Variants in TOLLIP observed in about 807,000 individuals in gnomAD.
TOLLIP encodes toll-interacting protein.
Under a neutral mutation model 33.5 loss-of-function variants are expected in TOLLIP, and 16 were observed. The observed-to-expected ratio is 0.48, with a 90% CI of 0.32 to 0.72. The LOEUF (loss-of-function observed/expected upper bound fraction) is 0.72. Ranked by LOEUF, TOLLIP falls within the 30% of genes least tolerant of loss-of-function variation. The pLI is 0.03. For missense variants in TOLLIP, 325 were observed against 396.6 expected, an observed-to-expected ratio of 0.82 and a Z score of 1.53; for synonymous variants, 176 against 163.7, an observed-to-expected ratio of 1.07 and a Z score of -0.57.
chr11:1,287,924 G>C (rs1361391664), intron 4 of TOLLIP, among the ~76,000 whole-genome samples: 2 of 151,308 alleles, frequency 1.3e-5, no homozygotes, highest in Non-Finnish European at 2.9e-5. Flanking sequence ...CCTCTCTGCT[G>C]TCACATCTGC....
intron 1 of TOLLIP, among the ~76,000 whole-genome samples, chr11:1,300,151 TC>T (rs1458621535): frequency 1.3e-5 from 2 of 152,234 alleles, no homozygotes; most frequent in African/African-American, 4.8e-5. Flanking sequence ...AGGGCTCTCA[TC>T]CCACAGAGCT....
At chr11:1,283,683 T>G in intron 5 of TOLLIP, 1 of 417,560 alleles carries the variant, frequency 2.4e-6, no homozygotes. Context: ...ACAAAGAGAA[T>G]TAGGGATAGG....
In TOLLIP at chr11:1,276,852, C is replaced by A; in HGVS notation, c.*187G>T. The A allele has an allele frequency of 4.6e-6, 7 of 1,534,284 alleles. No individual in the cohort carries two copies. The highest frequency in any genetic ancestry group is 6.1e-6 in the Non-Finnish European group (7 of 1,145,788). ...ATGGGAGGGGAGCCCCCGCCCCGTC[C>A]TGGACCGCCAGGAACCGAAAACCCA... On this transcript the variant is annotated 3_prime_UTR_variant, in exon 6 of 6. Transcript: ENST00000317204.
At chr11:1,293,769 C>T (rs186107355) in intron 2 of TOLLIP, among the ~76,000 whole-genome samples, 2 of 152,240 alleles carry the variant, frequency 1.3e-5, no homozygotes, top group Non-Finnish European at 2.9e-5. Flanking sequence ...GAGTGCCCTG[C>T]GGTCACCAGG....
intron 5 of TOLLIP, among the ~76,000 whole-genome samples, chr11:1,283,887 G>C (rs934302956): frequency 2.0e-5 from 3 of 152,186 alleles, no homozygotes; most frequent in Non-Finnish European, 4.4e-5. Flanking sequence ...CCTGCCTACG[G>C]GGCTTCGACT....
chr11:1,279,544 C>T (rs1283075380), intron 5 of TOLLIP, among the ~76,000 whole-genome samples: 2 of 152,230 alleles, frequency 1.3e-5, no homozygotes, highest in African/African-American at 4.8e-5. Context: ...CAGCCCAGAG[C>T]CCACCTGTAG....
At chr11:1,284,551 G>A (rs1034879945) in intron 5 of TOLLIP, among the ~76,000 whole-genome samples, 10 of 152,104 alleles carry the variant, frequency 6.6e-5, no homozygotes, top group South Asian at 2.1e-4. Context: ...GGGTTTCACC[G>A]TGTTGGCCAG....
chr11:1,298,200 C>A (rs1200778228), intron 1 of TOLLIP: 1 of 152,374 alleles, frequency 6.6e-6, no homozygotes, highest in African/African-American at 2.4e-5. Context: ...GCCACATGCA[C>A]AGCTCTGAGG....
chr11:1,292,617 T>A (rs1468726850), intron 2 of TOLLIP, among the ~76,000 whole-genome samples: 1 of 152,258 alleles, frequency 6.6e-6, no homozygotes. Flanking sequence ...CCATTCACTA[T>A]GACTGCACAC....
At chr11:1,281,488 C>T (rs918508838) in intron 5 of TOLLIP, among the ~76,000 whole-genome samples, 35 of 152,318 alleles carry the variant, frequency 2.3e-4, no homozygotes, top group African/African-American at 7.2e-4. Context: ...GGGAGGCTCT[C>T]GGGGCCTGAG....
At position 1,280,456 on chromosome 11, in the gene TOLLIP, T is replaced by C. The variant is rs940674248; in HGVS notation, c.611-3203A>G. ...GCTCCACAGAAACCAGTGGGGGTTG[T>C]GCCCACAGAGACGCAGGCCAGGATG... On this transcript the variant is annotated intron_variant, in intron 5 of 5. Transcript: ENST00000317204. 2.0e-5 allele frequency among the ~76,000 whole-genome samples: 3 copies of C among 152,054 alleles called. No homozygotes were observed. The East Asian group carries it at 5.8e-4, about 29-fold the overall frequency.
At chr11:1,285,965 A>G (rs2133892739) in intron 5 of TOLLIP, 37 bp downstream of exon 5, 1 of 1,530,680 alleles carries the variant, frequency 6.5e-7, no homozygotes, top group Non-Finnish European at 8.9e-7. Flanking sequence ...TGGGGTTTCT[A>G]CCAGGGGAGA....
At chr11:1,286,176 C>A in intron 4 of TOLLIP, 84 bp from the exon 5 acceptor site, 1 of 1,036,694 alleles carries the variant, frequency 9.6e-7, no homozygotes, top group Non-Finnish European at 1.4e-6. Flanking sequence ...CCACAATTGC[C>A]CTCCCCACGC....
chr11:1,276,809 G>A lies in TOLLIP; in HGVS notation c.*230C>T. The A allele has an allele frequency of 6.5e-7, 1 of 1,527,664 alleles. No homozygotes were observed. Among genetic ancestry groups the A allele is most frequent in the Non-Finnish European group, 8.8e-7 (1 of 1,141,952 alleles). The allele number at this position is 1,527,664 out of a possible 1,614,324, so 94.6% of individuals were successfully genotyped here. A position where few individuals can be genotyped will look rare whatever the true frequency, so the allele number is the denominator to read the frequency against. Reference sequence around the variant, plus strand: ...CGTCCCAGGGACAGGAGAGCGCGCTGAGACCTCCCAGCACGAGATGGGAGG... The same window carrying A: ...CGTCCCAGGGACAGGAGAGCGCGCTAAGACCTCCCAGCACGAGATGGGAGG... On this transcript the variant is annotated 3_prime_UTR_variant, in exon 6 of 6. Transcript: ENST00000317204.
rs893200171 is a variant in TOLLIP at position 1,277,755 on chromosome 11, G to A, written c.611-502C>T. On this transcript the variant is annotated intron_variant, in intron 5 of 5. Coordinates refer to ENST00000317204, the MANE Select transcript of TOLLIP (RefSeq NM_019009.4). This position sits in a 1 kb window ranked among gnomAD's most constrained non-coding sequence, Gnocchi z 4.2. ...AGGCATTCTAGAAGATGCTTTTGCA[G>A]CTTGGCAAGTGTGTCACTAAACTGT... Among the ~76,000 whole-genome samples the A allele has an allele frequency of 6.6e-6, 1 of 152,214 alleles. No individual in the cohort carries two copies. The highest frequency in any genetic ancestry group is 1.5e-5 in the Non-Finnish European group (1 of 68,044).
At chr11:1,299,463 C>T (rs1864203630) in intron 1 of TOLLIP, among the ~76,000 whole-genome samples, 1 of 152,186 alleles carries the variant, frequency 6.6e-6, no homozygotes, top group Non-Finnish European at 1.5e-5. Context: ...AGTGACGACA[C>T]TCGGTCCTTC....
At chr11:1,301,579 T>G (rs1590228733) in intron 1 of TOLLIP, among the ~76,000 whole-genome samples, 1 of 151,994 alleles carries the variant, frequency 6.6e-6, no homozygotes, top group East Asian at 1.9e-4. Context: ...CCCAGAAGTT[T>G]CCTCCCCCAA....
chr11:1,279,022 T>C (rs1301237653), intron 5 of TOLLIP, among the ~76,000 whole-genome samples: 2 of 152,054 alleles, frequency 1.3e-5, no homozygotes, highest in Non-Finnish European at 2.9e-5. Context: ...CGTGGCAACA[T>C]GAGGAACGGA....
At chr11:1,288,220 G>A (rs1223000381) in intron 4 of TOLLIP, among the ~76,000 whole-genome samples, 10 of 152,216 alleles carry the variant, frequency 6.6e-5, no homozygotes, top group Non-Finnish European at 1.5e-4. Flanking sequence ...CTGCCCTGTG[G>A]GGAGGAGCCT....
Sources: allele counts gnomAD v4.1 joint callset (sites outside exome capture counted in the v4.1 genomes callset), GRCh38; gene constraint gnomAD v4.1.1; non-coding constraint Gnocchi (gnomAD v3.1); transcripts MANE v1.5; gene names NCBI Gene and HGNC (gene_info 2026-07-23, HGNC 2026-07-21).